GREB1: variants seen among roughly 807,000 people sequenced by gnomAD.
GREB1 encodes the protein protein GREB1.
Under a neutral mutation model 200.7 loss-of-function variants are expected in GREB1, and 106 were observed. The observed-to-expected ratio is 0.53, with a 90% CI of 0.45 to 0.62. The LOEUF (loss-of-function observed/expected upper bound fraction) is 0.62. Ranked by LOEUF, GREB1 falls within the 20% of genes least tolerant of loss-of-function variation. The pLI is 0.00. For missense variants in GREB1, 2,243 were observed against 2,556.8 expected (o/e 0.88, Z 2.65); for synonymous variants, 1,132 against 1,092.4 (o/e 1.04, Z -0.72).
At chr2:11,512,943 G>A (rs377744768) in intron 1 of GREB1, among the ~76,000 whole-genome samples, 25 of 152,354 alleles carry the variant, frequency 1.6e-4, no homozygotes, top group African/African-American at 6.0e-4. Flanking sequence ...TGTTGGGGCA[G>A]TGAGGGTGGA....
At position 11,634,352 on chromosome 2, in the gene GREB1, G is replaced by A. The variant is rs2148437420; in HGVS notation, c.5210+3G>A. The A allele has an allele frequency of 3.1e-6, 5 of 1,611,276 alleles. No homozygotes were observed. The highest frequency in any genetic ancestry group is 4.2e-6 in the Non-Finnish European group (5 of 1,178,174). ...AACGTGCAGTACAACCAGAACCGGT[G>A]AGCTCCTGCACCTGGGGCAGAGGCG... On this transcript the variant is annotated splice_donor_region_variant and intron_variant, in intron 29 of 32. Transcript: ENST00000381486.
In GREB1 at chr2:11,618,821, A is replaced by T. The variant is rs1231523508; in HGVS notation, c.3946A>T (p.Thr1316Ser). ...GCAGTCCCTCTACTACCGGCAGTGGACGGTGCCCCGGCCCAGCCACATGGA... is the reference window on the plus strand; with the variant it reads ...GCAGTCCCTCTACTACCGGCAGTGGTCGGTGCCCCGGCCCAGCCACATGGA... The part of the protein sequence containing the change: ...TEQSLYYRQW[T>S]VPRPSHMDYG... The change falls in exon 22 of 33, where the codon ACG becomes TCG. Residue 1316 changes from threonine (T) to serine (S), a missense_variant. Thr to Ser is a moderately conservative substitution (Grantham distance 58, BLOSUM62 1). This residue lies in a region of GREB1 where 587 missense variants were observed against 553.1 expected (regional missense o/e 1.06). Transcript: ENST00000381486. 4 of 1,606,006 alleles carry T rather than the reference A, an allele frequency of 2.5e-6. No homozygotes were observed. The highest frequency in any genetic ancestry group is 1.7e-6 in the Non-Finnish European group (2 of 1,179,404).
chr2:11,559,486 G>C (rs1676765893), intron 2 of GREB1, among the ~76,000 whole-genome samples: 1 of 152,154 alleles, frequency 6.6e-6, no homozygotes, highest in Admixed American at 6.5e-5. Flanking sequence ...CTGAATTGCC[G>C]TTCTTAGCAG....
chr2:11,571,562 G>A (rs969779194), intron 4 of GREB1, among the ~76,000 whole-genome samples: 11 of 152,170 alleles, frequency 7.2e-5, no homozygotes, highest in African/African-American at 2.2e-4. Flanking sequence ...TTATAAACTC[G>A]AAAATGCTGC....
chr2:11,587,707 A>ACT (rs1680277975), intron 9 of GREB1: 1 of 1,073,754 alleles, frequency 9.3e-7, no homozygotes. Flanking sequence ...ACACACACAC[A>ACT]CACACACACA....
chr2:11,503,291 A>G (rs899004750), intron 1 of GREB1, among the ~76,000 whole-genome samples: 1 of 152,072 alleles, frequency 6.6e-6, no homozygotes, highest in African/African-American at 2.4e-5. Context: ...ATCTGTATCT[A>G]TTGCTTCGAG....
At chr2:11,608,863 A>T (rs1001691278) in intron 17 of GREB1, among the ~76,000 whole-genome samples, 20 of 152,094 alleles carry the variant, frequency 1.3e-4, no homozygotes, top group Admixed American at 1.1e-3. Context: ...CCCTCTGCAG[A>T]TCTCTCCTCT....
chr2:11,528,019 C>A (rs1322372173), intron 1 of GREB1, among the ~76,000 whole-genome samples: 1 of 152,212 alleles, frequency 6.6e-6, no homozygotes, highest in Non-Finnish European at 1.5e-5. Context: ...AATAAACACA[C>A]AATATCTCAG....
At chr2:11,512,265 G>T (rs898182608) in intron 1 of GREB1, among the ~76,000 whole-genome samples, 1 of 152,174 alleles carries the variant, frequency 6.6e-6, no homozygotes, top group African/African-American at 2.4e-5. Context: ...CTCCTGGGGA[G>T]GAATTTGTGT....
chr2:11,611,098 C>G (rs1426087784), intron 18 of GREB1, 71 bp downstream of exon 18: 5 of 1,298,594 alleles, frequency 3.9e-6, no homozygotes, highest in South Asian at 3.0e-5. Flanking sequence ...CCACCAGAGG[C>G]AGGGAGTGTC....
intron 1 of GREB1, chr2:11,540,799 T>C (rs1451911027): frequency 1.3e-5 from 2 of 153,452 alleles, no homozygotes; most frequent in Non-Finnish European, 2.9e-5. Context: ...CATCCTGCAG[T>C]CTCAATGCGT....
rs751985110 is a variant in GREB1, at chr2:11,580,963, G to T, written c.901+131G>T. On this transcript the variant is annotated intron_variant, in intron 7 of 32. Transcript: ENST00000381486. The surrounding 1 kb of genome is among the most constrained non-coding windows in gnomAD (Gnocchi z 4.5). ...CTGATGTGGCTTCCATGAGAGTCAGGCCAGGACCACAGGTGCCTCCTGAGT... is the reference window on the plus strand; with the variant it reads ...CTGATGTGGCTTCCATGAGAGTCAGTCCAGGACCACAGGTGCCTCCTGAGT... 4 of 1,166,348 alleles carry T rather than the reference G, an allele frequency of 3.4e-6. No individual in the cohort carries two copies. The highest frequency in any genetic ancestry group is 5.0e-6 in the Non-Finnish European group (4 of 792,142). The allele number at this position is 1,166,348 out of a possible 1,614,324, so 72.2% of individuals were successfully genotyped here. A position where few individuals can be genotyped will look rare whatever the true frequency, so the allele number is the denominator to read the frequency against.
chr2:11,627,697 G>T (rs1276170123), intron 25 of GREB1, among the ~76,000 whole-genome samples: 1 of 152,176 alleles, frequency 6.6e-6, no homozygotes. Context: ...AATGGATAAG[G>T]CTCCTGACCC....
intron 5 of GREB1, 35 bp from the exon 6 acceptor site, chr2:11,578,262 G>T: frequency 2.5e-6 from 4 of 1,593,726 alleles, no homozygotes; most frequent in Non-Finnish European, 3.4e-6. Flanking sequence ...GGAGAAGAGC[G>T]AGTTGGTTTT....
intron 1 of GREB1, among the ~76,000 whole-genome samples, chr2:11,517,797 G>A (rs1241662872): frequency 1.7e-4 from 26 of 152,094 alleles, no homozygotes; most frequent in African/African-American, 5.8e-4. Context: ...GACTACAGGT[G>A]CCCGCCGCCA....
At chr2:11,585,349 T>TGTGC in intron 8 of GREB1, 75 bp downstream of exon 8, 1 of 823,242 alleles carries the variant, frequency 1.2e-6, no homozygotes, top group Non-Finnish European at 1.9e-6. Flanking sequence ...TGTGTGTATG[T>TGTGC]GTGCGTGTGT....
intron 22 of GREB1, among the ~76,000 whole-genome samples, chr2:11,619,559 T>G (rs1683829164): frequency 6.6e-6 from 1 of 152,160 alleles, no homozygotes; most frequent in Admixed American, 6.5e-5. Context: ...TACCAAGGAG[T>G]CTCCCTTCTT....
chr2:11,634,543 T>C (rs1428434901), intron 29 of GREB1, among the ~76,000 whole-genome samples, 194 bp downstream of exon 29: 2 of 152,274 alleles, frequency 1.3e-5, no homozygotes, highest in African/African-American at 4.8e-5. Context: ...CCAATTCTCA[T>C]GATGCTTTAT....
intron 1 of GREB1, among the ~76,000 whole-genome samples, chr2:11,520,461 G>C (rs897544702): frequency 6.6e-6 from 1 of 152,138 alleles, no homozygotes; most frequent in Non-Finnish European, 1.5e-5. Flanking sequence ...GCATAATTCA[G>C]TTCCCTGTAG....
Sources: gnomAD v4.1 joint callset for allele counts (sites outside exome capture counted in the v4.1 genomes callset) on GRCh38, gnomAD v4.1.1 for gene constraint, gnomAD v4.1.1 regional missense constraint, Gnocchi (gnomAD v3.1) non-coding constraint, MANE v1.5 for transcripts, NCBI Gene and HGNC (gene_info 2026-07-23, HGNC 2026-07-21) for gene names.